The following VPS8 variants were observed in gnomAD, a reference collection of about 807,000 sequenced individuals.
VPS8 encodes the protein VPS8 subunit of CORVET complex.
In VPS8, 129 loss-of-function variants were observed where a neutral mutation model predicts 216.4. That is an observed-to-expected ratio of 0.60 (90% CI 0.52 to 0.69). The LOEUF is 0.69. VPS8 is among the 30% of genes least tolerant of loss of function. The probability of loss-of-function intolerance (pLI) is 0.00; values close to 1 mark genes in which losing one functional copy is unlikely to be tolerated. For synonymous variants in VPS8, 571 were observed against 565.4 expected (o/e 1.01, Z -0.14); for missense variants, 1,531 against 1,683.5 (o/e 0.91, Z 1.59).
intron 4 of VPS8, 100 bp from the exon 5 acceptor site, chr3:184,834,549 C>T (rs1362563342): frequency 3.5e-6 from 3 of 864,022 alleles, no homozygotes; most frequent in South Asian, 1.8e-5. Flanking sequence ...ACAATGTTGT[C>T]TTCTGCTTTT....
intron 15 of VPS8, 92 bp from the exon 16 acceptor site, chr3:184,862,805 G>A: frequency 4.5e-6 from 6 of 1,320,832 alleles, no homozygotes; most frequent in Non-Finnish European, 6.3e-6. Flanking sequence ...AGTCCTCAAT[G>A]TAATTTAATC....
rs1742588092 is a variant in VPS8 at position 184,941,028 on chromosome 3, C to A, written c.3035+785C>A. 3.9e-5 allele frequency among the ~76,000 whole-genome samples: 6 copies of A among 152,308 alleles called. No individual in the cohort carries two copies. The South Asian group carries it at 1.2e-3, about 32-fold the overall frequency. ...ATTTTGATGCACACCTAGAGTTAAG[C>A]ATGGTTTACGTGTAATTTTCCAAGA... On this transcript the variant is annotated intron_variant, in intron 36 of 47. Transcript: ENST00000625842.
chr3:185,032,855 G>C (rs1758365064), intron 46 of VPS8, among the ~76,000 whole-genome samples: 1 of 152,100 alleles, frequency 6.6e-6, no homozygotes, highest in Non-Finnish European at 1.5e-5. Context: ...TTTTAGTAGA[G>C]ACGGGGTTTC....
At chr3:184,925,084 C>T (rs1739340237) in intron 30 of VPS8, 103 bp downstream of exon 30, 2 of 1,438,618 alleles carry the variant, frequency 1.4e-6, no homozygotes, top group East Asian at 5.0e-5. Context: ...GGGTAAATAC[C>T]TTATCAAGGA....
Position 184,929,638 on chromosome 3 carries a change from T to G in VPS8, c.2773T>G (p.Cys925Gly), listed in dbSNP as rs956458084. The change falls in exon 33 of 48, where the codon TGC (cysteine) becomes GGC (glycine). Residue 925 changes from cysteine (C) to glycine (G), a missense_variant. Around this residue, in one of 3 missense-constraint regions of VPS8, gnomAD observed 1,318 missense variants for 1,468.4 expected, o/e 0.90. Coordinates refer to ENST00000625842, the MANE Select transcript of VPS8 (RefSeq NM_001009921.3). ...ACACCAATATGATAAAATTATTGAT[T>G]GCTACTTACGTGACCCTCTGCGAGA... ...REHQYDKIIDCYLRDPLREEE... is the reference protein window; with the variant it reads ...REHQYDKIIDGYLRDPLREEE... The G allele has an allele frequency of 3.3e-6, 5 of 1,530,760 alleles. No individual in the cohort carries two copies. Among genetic ancestry groups the G allele is most frequent in the South Asian group, 1.2e-5 (1 of 81,404 alleles). The allele number at this position is 1,530,760 out of a possible 1,614,324, so 94.8% of individuals were successfully genotyped here. A position where few individuals can be genotyped will look rare whatever the true frequency, so the allele number is the denominator to read the frequency against.
chr3:184,944,939 C>A (rs1743409216), intron 36 of VPS8, among the ~76,000 whole-genome samples: 1 of 151,862 alleles, frequency 6.6e-6, no homozygotes, highest in African/African-American at 2.4e-5. Flanking sequence ...AGTTAAAATA[C>A]AAAATTAGGA....
chr3:184,830,733 A>G (rs903811941), intron 3 of VPS8, among the ~76,000 whole-genome samples: 3 of 152,110 alleles, frequency 2.0e-5, no homozygotes, highest in African/African-American at 7.2e-5. Flanking sequence ...TAAGATCTTG[A>G]TGCTGCTGTA....
chr3:184,847,253 T>C (rs1179857703), intron 8 of VPS8, among the ~76,000 whole-genome samples: 1 of 152,238 alleles, frequency 6.6e-6, no homozygotes, highest in East Asian at 1.9e-4. Context: ...GAGGGATTAC[T>C]ATTTAAGTCA....
At chr3:184,946,721 C>T (rs1045548653) in intron 36 of VPS8, among the ~76,000 whole-genome samples, 18 of 152,274 alleles carry the variant, frequency 1.2e-4, no homozygotes, top group African/African-American at 3.9e-4. Context: ...ATCAGGTACA[C>T]TACACATTGC....
intron 10 of VPS8, among the ~76,000 whole-genome samples, chr3:184,850,840 T>C (rs1724117853): frequency 1.3e-5 from 2 of 151,530 alleles, no homozygotes; most frequent in South Asian, 4.2e-4. Context: ...GTATCTAAGT[T>C]AGTTACAAAA....
intron 8 of VPS8, among the ~76,000 whole-genome samples, chr3:184,848,695 A>C (rs1479691564): frequency 6.7e-6 from 1 of 150,080 alleles, no homozygotes; most frequent in Non-Finnish European, 1.5e-5. Flanking sequence ...CAGCCTCTGG[A>C]GTAGCTGGGA....
At chr3:184,962,584 A>G (rs1483989716) in intron 37 of VPS8, among the ~76,000 whole-genome samples, 1 of 152,068 alleles carries the variant, frequency 6.6e-6, no homozygotes, top group African/African-American at 2.4e-5. Context: ...ATTGAGTTCA[A>G]GAAGTTTTTT....
intron 21 of VPS8, among the ~76,000 whole-genome samples, chr3:184,882,129 C>A (rs552602423): frequency 1.3e-5 from 2 of 151,876 alleles, no homozygotes; most frequent in African/African-American, 4.8e-5. Context: ...GAGGTGAGAG[C>A]AGACATCCTT....
chr3:185,023,624 C>T (rs1043775508), intron 45 of VPS8, among the ~76,000 whole-genome samples: 1 of 152,056 alleles, frequency 6.6e-6, no homozygotes, highest in Non-Finnish European at 1.5e-5. Flanking sequence ...TGCCATTGCA[C>T]TCCAGCCTGA....
In VPS8 at chr3:185,052,067, C is replaced by A. The variant is rs755721064; in HGVS notation, c.*42C>A. 1 of 1,571,396 alleles carries A rather than the reference C, an allele frequency of 6.4e-7. No individual in the cohort carries two copies. The highest frequency in any genetic ancestry group is 1.2e-5 in the South Asian group (1 of 85,128). On this transcript the variant is annotated 3_prime_UTR_variant, in exon 48 of 48. Transcript: ENST00000625842. ...GGCCCAGGAGAACCAGAGATGATCC[C>A]GAGGCAGCTGGGGAGAGGCCCCGCC...
At chr3:184,817,855 G>A (rs1716676412) in intron 1 of VPS8, among the ~76,000 whole-genome samples, 1 of 152,136 alleles carries the variant, frequency 6.6e-6, no homozygotes, top group South Asian at 2.1e-4. Context: ...TTATATAGCT[G>A]GGGAGAAAAG....
chr3:185,022,749 A>G (rs917532218), intron 45 of VPS8, among the ~76,000 whole-genome samples: 1 of 152,160 alleles, frequency 6.6e-6, no homozygotes, highest in Non-Finnish European at 1.5e-5. Flanking sequence ...AAGAGAACCA[A>G]TGTTGACTCT....
At chr3:184,943,680 T>G (rs775482955) in intron 36 of VPS8, among the ~76,000 whole-genome samples, 1 of 152,246 alleles carries the variant, frequency 6.6e-6, no homozygotes, top group Non-Finnish European at 1.5e-5. Context: ...AGAAAACAGT[T>G]ATTTTGAGAT....
intron 25 of VPS8, among the ~76,000 whole-genome samples, chr3:184,907,430 T>C (rs1328174145): frequency 1.3e-5 from 2 of 152,234 alleles, no homozygotes; most frequent in African/African-American, 2.4e-5. Flanking sequence ...TAGCTTCTTA[T>C]CTTTGTAGCT....
Sources: allele counts gnomAD v4.1 joint callset (sites outside exome capture counted in the v4.1 genomes callset), GRCh38; gene constraint gnomAD v4.1.1; regional missense constraint gnomAD v4.1.1; transcripts MANE v1.5; gene names NCBI Gene and HGNC (gene_info 2026-07-23, HGNC 2026-07-21).